The following DCDC2 variants were observed in gnomAD, a reference collection of about 807,000 sequenced individuals.
The protein encoded by DCDC2 is doublecortin domain containing 2.
In DCDC2, 40 loss-of-function variants were observed where a neutral mutation model predicts 50.2. The observed-to-expected ratio is 0.80, with a 90% CI of 0.62 to 1.04. The LOEUF (loss-of-function observed/expected upper bound fraction) is 1.04. Ranked by LOEUF, DCDC2 falls within the 50% of genes least tolerant of loss-of-function variation. The probability of loss-of-function intolerance (pLI) is 0.00; values close to 1 mark genes in which losing one functional copy is unlikely to be tolerated. For missense variants in DCDC2, 570 were observed against 581.9 expected (o/e 0.98, Z 0.21); for synonymous variants, 234 against 210.6 (o/e 1.11, Z -0.96).
chr6:24,269,889 G>A (rs1043791555), intron 7 of DCDC2, among the ~76,000 whole-genome samples: 2 of 152,026 alleles, frequency 1.3e-5, no homozygotes, highest in African/African-American at 4.8e-5. Flanking sequence ...ACATCAGACT[G>A]CTAAAGAGAA....
intron 7 of DCDC2, among the ~76,000 whole-genome samples, chr6:24,239,756 G>A (rs1011119084): frequency 6.6e-6 from 1 of 152,194 alleles, no homozygotes; most frequent in Admixed American, 6.5e-5. Context: ...GAAGAATGAA[G>A]CCAAGGGTCT....
chr6:24,380,816 G>A, the DCDC2 span, among the ~76,000 whole-genome samples: 6 of 152,144 alleles, frequency 3.9e-5, no homozygotes, highest in East Asian at 1.9e-4. Context: ...ATTGTAGTCC[G>A]AGTGCAGTAG....
chr6:24,212,055 C>G (rs1761883184), intron 7 of DCDC2, among the ~76,000 whole-genome samples: 1 of 152,052 alleles, frequency 6.6e-6, no homozygotes, highest in South Asian at 2.1e-4. Flanking sequence ...ACCCTCCCAT[C>G]AGATCAGCAG....
At chr6:24,199,448 C>T (rs1431741510) in intron 8 of DCDC2, among the ~76,000 whole-genome samples, 2 of 152,180 alleles carry the variant, frequency 1.3e-5, no homozygotes, top group Non-Finnish European at 1.5e-5. Flanking sequence ...AACTAACAAA[C>T]AGAAAGGAAT....
At chr6:24,186,158 A>G (rs974958835) in intron 8 of DCDC2, among the ~76,000 whole-genome samples, 2 of 152,248 alleles carry the variant, frequency 1.3e-5, no homozygotes, top group African/African-American at 4.8e-5. Context: ...AAGACATACT[A>G]AACAAGGATA....
the DCDC2 span, among the ~76,000 whole-genome samples, chr6:24,372,159 C>T: frequency 6.6e-6 from 1 of 152,170 alleles, no homozygotes; most frequent in South Asian, 2.1e-4. Flanking sequence ...CGGTGGCTCA[C>T]GCCTGTAATC....
At chr6:24,289,968 CTTCTTTTTTT>C (rs1763704346) in intron 5 of DCDC2, among the ~76,000 whole-genome samples, 3 of 100,822 alleles carry the variant, frequency 3.0e-5, no homozygotes, top group Admixed American at 1.3e-4. Context: ...GGCCAGAGCT[CTTCTTTTTTT>C]TTTTTTTTTT....
intron 8 of DCDC2, among the ~76,000 whole-genome samples, chr6:24,198,084 C>G (rs1398295966): frequency 1.3e-5 from 2 of 152,144 alleles, no homozygotes; most frequent in African/African-American, 4.8e-5. Flanking sequence ...AAAATCAATA[C>G]ACACAAAGCA....
chr6:24,176,779 A>G (rs74489044), intron 9 of DCDC2, among the ~76,000 whole-genome samples: 1,988 of 152,288 alleles, frequency 0.013, 35 homozygotes, highest in African/African-American at 0.046. Context: ...CCCTGTACTC[A>G]GTCCCTGGTA....
chr6:24,220,342 A>T (rs185349314), intron 7 of DCDC2, among the ~76,000 whole-genome samples: 1 of 152,360 alleles, frequency 6.6e-6, no homozygotes, highest in Admixed American at 6.5e-5. Flanking sequence ...GGACATTTTT[A>T]ATTTTTATTT....
intron 7 of DCDC2, among the ~76,000 whole-genome samples, chr6:24,207,432 C>T (rs1761745078): frequency 6.6e-6 from 1 of 152,134 alleles, no homozygotes; most frequent in South Asian, 2.1e-4. Flanking sequence ...TAAATAGCTG[C>T]ATGTTGCAGT....
intron 4 of DCDC2, among the ~76,000 whole-genome samples, chr6:24,298,231 G>A (rs1369830111): frequency 1.3e-5 from 2 of 152,208 alleles, no homozygotes; most frequent in Non-Finnish European, 2.9e-5. Context: ...GACAGGGGGT[G>A]GAGTGCAGGC....
chr6:24,286,967 T>G (rs1330825412), intron 6 of DCDC2, among the ~76,000 whole-genome samples: 1 of 152,172 alleles, frequency 6.6e-6, no homozygotes, highest in Non-Finnish European at 1.5e-5. Flanking sequence ...ACCAAGATAG[T>G]TGCAACTGCC....
Position 24,301,953 on chromosome 6 carries a change from AG to A in DCDC2, c.425+14del. On this transcript the variant is annotated intron_variant, in intron 3 of 9. Coordinates refer to ENST00000378454, the MANE Select transcript of DCDC2 (RefSeq NM_016356.5). ...AAGCCAATTTTAACTTGAAGTATAAAGGGTTTCAACTTACAAGATAGTGCAC... is the reference window on the plus strand; with the variant it reads ...AAGCCAATTTTAACTTGAAGTATAAAGGTTTCAACTTACAAGATAGTGCAC... The A allele has an allele frequency of 6.2e-7, 1 of 1,613,218 alleles. No homozygotes were observed. Among genetic ancestry groups the A allele is most frequent in the Non-Finnish European group, 8.5e-7 (1 of 1,179,730 alleles).
the DCDC2 span, among the ~76,000 whole-genome samples, chr6:24,371,757 C>T: frequency 4.6e-5 from 7 of 152,054 alleles, no homozygotes; most frequent in African/African-American, 4.8e-5. Context: ...GAATCTACAA[C>T]GAACTCAAAC....
At chr6:24,264,540 TAA>T in intron 7 of DCDC2, among the ~76,000 whole-genome samples, 1 of 152,158 alleles carries the variant, frequency 6.6e-6, no homozygotes, top group Non-Finnish European at 1.5e-5. Flanking sequence ...CAATTAGTGC[TAA>T]GTTGTCATTT....
upstream of DCDC2, among the ~76,000 whole-genome samples, chr6:24,359,413 T>A (rs1187608161): frequency 2.2e-5 from 1 of 44,750 alleles, no homozygotes. Flanking sequence ...TTTTATATAT[T>A]ATATATTATA....
At chr6:24,352,112 A>AT (rs1581666652) in intron 2 of DCDC2, among the ~76,000 whole-genome samples, 1 of 152,154 alleles carries the variant, frequency 6.6e-6, no homozygotes, top group African/African-American at 2.4e-5. Flanking sequence ...TCAAAAAAAA[A>AT]TTTTTAAGAA....
chr6:24,296,005 C>T (rs115106270), intron 4 of DCDC2, among the ~76,000 whole-genome samples: 2,172 of 152,230 alleles, frequency 0.014, 17 homozygotes, highest in Middle Eastern at 0.044. Context: ...CAAAAAAGAA[C>T]CTAAATAGCC....
Sources: gnomAD v4.1 joint callset for allele counts (sites outside exome capture counted in the v4.1 genomes callset) on GRCh38, gnomAD v4.1.1 for gene constraint, MANE v1.5 for transcripts, NCBI Gene and HGNC (gene_info 2026-07-23, HGNC 2026-07-21) for gene names.